The following KDM4D variants were observed in gnomAD, a reference collection of about 807,000 sequenced individuals.
KDM4D encodes lysine demethylase 4D, also known as lysine-specific demethylase 4D.
For synonymous variants in KDM4D, 254 were observed against 249.1 expected, an observed-to-expected ratio of 1.02 and a Z score of -0.19; for missense variants, 427 against 674.8, an observed-to-expected ratio of 0.63 and a Z score of 4.07.
chr11:94,976,073 G>GT (rs1455650878), intron 2 of KDM4D, among the ~76,000 whole-genome samples: 1 of 152,112 alleles, frequency 6.6e-6, no homozygotes, highest in Non-Finnish European at 1.5e-5. Context: ...GACTTAAATG[G>GT]TTTGAAAGTA....
At chr11:94,993,686 C>A (rs1227458355) in intron 2 of KDM4D, among the ~76,000 whole-genome samples, 1 of 151,752 alleles carries the variant, frequency 6.6e-6, no homozygotes, top group African/African-American at 2.4e-5. Flanking sequence ...AGTGCTCAAC[C>A]CAAAGCTTAT....
intron 2 of KDM4D, among the ~76,000 whole-genome samples, chr11:94,989,727 CTTCT>C (rs1857917544): frequency 6.8e-6 from 1 of 147,448 alleles, no homozygotes; most frequent in South Asian, 2.2e-4. Flanking sequence ...GCCCTTTAAC[CTTCT>C]TTCTCTCTCT....
intron 2 of KDM4D, among the ~76,000 whole-genome samples, chr11:94,976,433 C>T (rs1370244088): frequency 6.6e-6 from 1 of 152,144 alleles, no homozygotes; most frequent in Admixed American, 6.5e-5. Context: ...GCAGATCTAT[C>T]GAGCTGCCTT....
At chr11:94,993,722 A>T (rs782060836) in intron 2 of KDM4D, among the ~76,000 whole-genome samples, 1 of 152,108 alleles carries the variant, frequency 6.6e-6, no homozygotes, top group Non-Finnish European at 1.5e-5. Flanking sequence ...AAAAAAATAT[A>T]TAGGTTTGTG....
intron 2 of KDM4D, among the ~76,000 whole-genome samples, chr11:94,993,965 G>C (rs1230051477): frequency 6.6e-6 from 1 of 152,126 alleles, no homozygotes; most frequent in African/African-American, 2.4e-5. Flanking sequence ...ATTGGGATGA[G>C]ATTGGGAGAC....
In KDM4D at chr11:94,997,403, G is replaced by A. The variant is rs782410456; in HGVS notation, c.31G>A (p.Ala11Thr). Residue 11 changes from alanine to threonine, a missense_variant, in exon 3 of 3, where the codon GCC (alanine) becomes ACC (threonine). Ala to Thr is a moderately conservative substitution (Grantham distance 58, BLOSUM62 0). Transcript: ENST00000335080. METMKSKANC[A>T]QNPNCNIMIF... ...AACTATGAAGTCTAAGGCCAACTGT[G>A]CCCAGAATCCAAATTGTAACATAAT... is the stretch of plus-strand genomic sequence containing the variant. 14 of 1,611,948 alleles carry A rather than the reference G, an allele frequency of 8.7e-6. No homozygotes were observed. The highest frequency in any genetic ancestry group is 1.2e-5 in the Non-Finnish European group (14 of 1,178,950).
intron 2 of KDM4D, among the ~76,000 whole-genome samples, chr11:94,989,752 C>CTT (rs587676047): frequency 0.45 from 55,265 of 122,644 alleles, 13,226 homozygotes; most frequent in Non-Finnish European, 0.47. Flanking sequence ...CTCTCTCTTT[C>CTT]TTTTTTTTTT....
intron 2 of KDM4D, among the ~76,000 whole-genome samples, chr11:94,995,679 G>T (rs1412172397): frequency 6.6e-6 from 1 of 152,172 alleles, no homozygotes; most frequent in Non-Finnish European, 1.5e-5. Flanking sequence ...TCTGTTTCGA[G>T]CATCCCAATC....
chr11:94,981,958 T>G (rs1857846187), intron 2 of KDM4D, among the ~76,000 whole-genome samples: 1 of 151,382 alleles, frequency 6.6e-6, no homozygotes, highest in Non-Finnish European at 1.5e-5. Flanking sequence ...AAATATTTAT[T>G]TAAATTTATA....
At chr11:94,982,221 G>A (rs868992922) in intron 2 of KDM4D, among the ~76,000 whole-genome samples, 2 of 151,846 alleles carry the variant, frequency 1.3e-5, no homozygotes, top group Middle Eastern at 3.4e-3. Flanking sequence ...TTGTTTTATG[G>A]CCACAGTTAT....
At chr11:94,983,505 G>A (rs782209786) in intron 2 of KDM4D, among the ~76,000 whole-genome samples, 6 of 152,050 alleles carry the variant, frequency 3.9e-5, no homozygotes, top group East Asian at 1.9e-4. Flanking sequence ...AACAGTAAAT[G>A]GAGGTGGTGT....
Position 94,998,977 on chromosome 11 carries a change from G to T in KDM4D, c.*33G>T. 1.4e-6 allele frequency: 2 copies of T among 1,475,910 alleles called. No individual in the cohort carries two copies. Among genetic ancestry groups the T allele is most frequent in the Middle Eastern group, 2.0e-4 (1 of 4,882 alleles). 91.4% of individuals were successfully genotyped at this position (1,475,910 alleles called of 1,614,324 possible). A position where few individuals can be genotyped will look rare whatever the true frequency, so the allele number is the denominator to read the frequency against. ...GGCTGTCTTTATATCCCACTGCCCT[G>T]CTGTGTGACAGTTTGATGAAACTGG... On this transcript the variant is annotated 3_prime_UTR_variant, in exon 3 of 3. Transcript: ENST00000335080. This position sits in a 1 kb window ranked among gnomAD's most constrained non-coding sequence, Gnocchi z 6.7.
Position 94,973,938 on chromosome 11 carries a change from T to C in KDM4D, c.-575T>C, listed in dbSNP as rs140103053. On this transcript the variant is annotated 5_prime_UTR_variant, in exon 1 of 3. Coordinates refer to ENST00000335080, the MANE Select transcript of KDM4D (RefSeq NM_018039.3). ...CAAACTGTTTAAATCCAACGACTCC[T>C]GCTTCCATCCTTTCTCCTGAGCTAG... 6.6e-6 allele frequency: 1 copy of C among 152,372 alleles called. No homozygotes were observed. Among genetic ancestry groups the C allele is most frequent in the East Asian group, 1.9e-4 (1 of 5,190 alleles). The allele number at this position is 152,372 out of a possible 1,614,324, so 9.4% of individuals were successfully genotyped here.
intron 2 of KDM4D, among the ~76,000 whole-genome samples, chr11:94,993,914 T>G (rs587680021): frequency 6.6e-6 from 1 of 152,116 alleles, no homozygotes; most frequent in African/African-American, 2.4e-5. Context: ...TATAAAGAAT[T>G]TATAATAAAA....
At position 94,993,751 on chromosome 11, in the gene KDM4D, T is replaced by G. The variant is rs587745868; in HGVS notation, c.-349-3273T>G. Among the ~76,000 whole-genome samples, 4 of 152,214 alleles carry G rather than the reference T, an allele frequency of 2.6e-5. No homozygotes were observed. The East Asian group carries it at 7.7e-4, about 29-fold the overall frequency. ...GTTTGTGTGATTTTCATAGTCAGCA[T>G]TTTGTTACTTCTTGAGGGAAAGACC... is the stretch of plus-strand genomic sequence containing the variant. On this transcript the variant is annotated intron_variant, in intron 2 of 2. Coordinates refer to ENST00000335080, the MANE Select transcript of KDM4D (RefSeq NM_018039.3).
chr11:94,983,331 CAAAT>C (rs1316210373), intron 2 of KDM4D, among the ~76,000 whole-genome samples: 6 of 147,646 alleles, frequency 4.1e-5, no homozygotes, highest in East Asian at 2.0e-4. Context: ...ATAGGCAAAA[CAAAT>C]AAAAGTGAAA....
chr11:94,987,430 C>A (rs1165032056), intron 2 of KDM4D, among the ~76,000 whole-genome samples: 1 of 152,046 alleles, frequency 6.6e-6, no homozygotes, highest in East Asian at 1.9e-4. Context: ...ACTCGGACAC[C>A]ACAAATTTGG....
rs1857774174 is a variant in KDM4D, at chr11:94,974,070, T to A, written c.-445+2T>A. On this transcript the variant is annotated splice_donor_variant, in intron 1 of 2. Transcript: ENST00000335080. LOFTEE classifies it low-confidence loss of function (5UTR_SPLICE). Reference sequence around the variant, plus strand: ...GGGGCAACCACGATCTTTACAAAGGTACCATTCCTGCAAAAATATTAACAC... The same window carrying A: ...GGGGCAACCACGATCTTTACAAAGGAACCATTCCTGCAAAAATATTAACAC... The A allele has an allele frequency of 6.6e-6, 1 of 152,254 alleles. No individual in the cohort carries two copies. Among genetic ancestry groups the A allele is most frequent in the Admixed American group, 6.5e-5 (1 of 15,294 alleles). The allele number at this position is 152,254 out of a possible 1,614,324, so 9.4% of individuals were successfully genotyped here.
intron 2 of KDM4D, among the ~76,000 whole-genome samples, chr11:94,989,452 G>T: frequency 6.6e-6 from 1 of 152,280 alleles, no homozygotes; most frequent in African/African-American, 2.4e-5. Context: ...TGCAACAGAT[G>T]AAAATAAAGA....
Sources: gnomAD v4.1 joint callset for allele counts (sites outside exome capture counted in the v4.1 genomes callset) on GRCh38, gnomAD v4.1.1 for gene constraint, Gnocchi (gnomAD v3.1) non-coding constraint, MANE v1.5 for transcripts, NCBI Gene and HGNC (gene_info 2026-07-23, HGNC 2026-07-21) for gene names.